CCNC: variants seen among roughly 807,000 people sequenced by gnomAD.
CCNC encodes cyclin C.
A neutral mutation model predicts 50.0 loss-of-function variants in CCNC; 19 were observed. That is an observed-to-expected ratio of 0.38 (90% CI 0.27 to 0.56). CCNC has a LOEUF of 0.56. CCNC is among the 20% of genes least tolerant of loss of function. The pLI is 0.72. For synonymous variants in CCNC, 93 were observed against 103.7 expected, an observed-to-expected ratio of 0.90 and a Z score of 0.63; for missense variants, 200 against 327.1, an observed-to-expected ratio of 0.61 and a Z score of 3.00.
chr6:99,550,582 T>G (rs936459612), intron 7 of CCNC: 9 of 366,686 alleles, frequency 2.5e-5, no homozygotes, highest in African/African-American at 1.5e-4. Flanking sequence ...AAGTGTCACA[T>G]CTGCAACACA....
intron 4 of CCNC, 82 bp from the exon 5 acceptor site, chr6:99,558,630 C>T: frequency 7.5e-7 from 1 of 1,327,224 alleles, no homozygotes; most frequent in African/African-American, 1.5e-5. Context: ...TTTCCTTGCT[C>T]CTGTTTACAA....
chr6:99,564,670 G>A (rs1273586074), intron 1 of CCNC, among the ~76,000 whole-genome samples: 1 of 151,764 alleles, frequency 6.6e-6, no homozygotes, highest in Non-Finnish European at 1.5e-5. Flanking sequence ...TCTAAAATTT[G>A]TATAGTATAA....
In CCNC at chr6:99,568,638, C is replaced by G. The variant is rs574264833; in HGVS notation, c.-111G>C. On this transcript the variant is annotated 5_prime_UTR_variant, in exon 1 of 12. Coordinates refer to ENST00000520429, the MANE Select transcript of CCNC (RefSeq NM_005190.4). ...GCTCCTCGATCAAATCAGCTCGGCT[C>G]GACTCCGCTCCGCGGCGGCGACGGC... is the stretch of plus-strand genomic sequence containing the variant. 1.4e-3 allele frequency: 2,204 copies of G among 1,540,854 alleles called. 2 individuals are homozygous for G. The highest frequency in any genetic ancestry group is 1.8e-3 in the Non-Finnish European group (2,035 of 1,145,088).
intron 2 of CCNC, 34 bp downstream of exon 2, chr6:99,562,808 T>A: frequency 8.2e-7 from 1 of 1,217,910 alleles, no homozygotes; most frequent in Admixed American, 2.0e-5. Flanking sequence ...GGTAACCAAC[T>A]ATACAATTTG....
intron 1 of CCNC, among the ~76,000 whole-genome samples, chr6:99,565,086 TTAAG>T (rs1388323095): frequency 6.6e-6 from 1 of 152,116 alleles, no homozygotes; most frequent in Non-Finnish European, 1.5e-5. Context: ...ACATAGAAAA[TTAAG>T]TAATTAATAG....
chr6:99,550,259 C>T lies in CCNC; in HGVS notation c.489G>A (p.Val163=), dbSNP rs757688468. ...YHPYRPLLQY[V]QDMGQEDMLL... Reference sequence around the variant, plus strand: ...ACATGTCTTCTTGGCCCATGTCCTGCACATACTGGAGCAAAGGTCTATAAG... The same window carrying T: ...ACATGTCTTCTTGGCCCATGTCCTGTACATACTGGAGCAAAGGTCTATAAG... The change falls in exon 8 of 12, where the codon GTG becomes GTA. Residue 163 remains valine (V), a synonymous_variant. Transcript: ENST00000520429. The T allele has an allele frequency of 3.2e-5, 51 of 1,613,044 alleles. No homozygotes were observed. Among genetic ancestry groups the T allele is most frequent in the Non-Finnish European group, 4.2e-5 (50 of 1,179,476 alleles).
At position 99,568,481 on chromosome 6, in the gene CCNC, CG is replaced by C. The variant is rs777964862; in HGVS notation, c.32+14del. The C allele has an allele frequency of 3.1e-6, 5 of 1,611,294 alleles. No individual in the cohort carries two copies. The highest frequency in any genetic ancestry group is 1.3e-5 in the African/African-American group (1 of 74,770). The stretch of plus-strand genomic sequence containing the variant: ...CAAAAACCGGCCCCAGGTGAGAAGA[CG>C]GAAGATCGCTTACTAGTGGGAGCTC... On this transcript the variant is annotated intron_variant, in intron 1 of 11. Coordinates refer to ENST00000520429, the MANE Select transcript of CCNC (RefSeq NM_005190.4).
Position 99,568,575 on chromosome 6 carries a change from C to A in CCNC, c.-48G>T. On this transcript the variant is annotated 5_prime_UTR_variant, in exon 1 of 12. Coordinates refer to ENST00000520429, the MANE Select transcript of CCNC (RefSeq NM_005190.4). ...AAAAGCACCAGCCGGCGGAGCGGCC[C>A]GCGGAGCGACCATAGACCCAGCCCG... 1 of 1,598,430 alleles carries A rather than the reference C, an allele frequency of 6.3e-7. No individual in the cohort carries two copies. Among genetic ancestry groups the A allele is most frequent in the East Asian group, 2.3e-5 (1 of 43,384 alleles).
intron 4 of CCNC, among the ~76,000 whole-genome samples, chr6:99,560,076 T>A (rs1311456287): frequency 6.6e-6 from 1 of 152,114 alleles, no homozygotes; most frequent in East Asian, 1.9e-4. Context: ...GTAAATCACA[T>A]CACAGAGTTC....
intron 1 of CCNC, 177 bp downstream of exon 1, chr6:99,568,319 G>A (rs1769243585): frequency 5.0e-6 from 3 of 603,320 alleles, no homozygotes; most frequent in Middle Eastern, 3.6e-4. Context: ...ACTGGGGCTG[G>A]GGGCGGGGAG....
chr6:99,559,394 T>C (rs980685664), intron 4 of CCNC, among the ~76,000 whole-genome samples: 3 of 151,112 alleles, frequency 2.0e-5, no homozygotes, highest in African/African-American at 4.8e-5. Flanking sequence ...CTTCACTTCA[T>C]TTTAAAATAA....
chr6:99,561,854 T>C, intron 2 of CCNC, 173 bp from the exon 3 acceptor site: 1 of 470,748 alleles, frequency 2.1e-6, no homozygotes, highest in Non-Finnish European at 3.8e-6. Flanking sequence ...TTTGCAAATG[T>C]GTTAAGAAAT....
At chr6:99,567,724 T>G (rs1172034448) in intron 1 of CCNC, among the ~76,000 whole-genome samples, 1 of 152,216 alleles carries the variant, frequency 6.6e-6, no homozygotes, top group Non-Finnish European at 1.5e-5. Flanking sequence ...ATGTTCAATT[T>G]ACCCCATAAC....
Position 99,546,457 on chromosome 6 carries a change from A to C in CCNC, c.616T>G (p.Cys206Gly). The C allele has an allele frequency of 1.2e-6, 2 of 1,612,578 alleles. No individual in the cohort carries two copies. Among genetic ancestry groups the C allele is most frequent in the Non-Finnish European group, 1.7e-6 (2 of 1,178,676 alleles). Reference sequence around the variant, plus strand: ...CTGGCATCTTTCTGCTGTACAACACAGGCTACATGTAGGCAAGCTGAAATG... The same window carrying C: ...CTGGCATCTTTCTGCTGTACAACACCGGCTACATGTAGGCAAGCTGAAATG... ...MIALACLHVA[C>G]VVQQKDARQW... The change falls in exon 10 of 12, where the codon TGT becomes GGT. Residue 206 changes from cysteine to glycine, a missense_variant. Coordinates refer to ENST00000520429, the MANE Select transcript of CCNC (RefSeq NM_005190.4).
chr6:99,568,198 C>G, intron 1 of CCNC: 1 of 470,508 alleles, frequency 2.1e-6, no homozygotes, highest in Non-Finnish European at 3.9e-6. Flanking sequence ...TCTATCCGAC[C>G]CCCCGCGGCC....
intron 11 of CCNC, 43 bp downstream of exon 11, chr6:99,545,069 A>C: frequency 1.1e-6 from 1 of 915,702 alleles, no homozygotes; most frequent in Non-Finnish European, 1.8e-6. Context: ...AGTAAGTATG[A>C]TATATGATTA....
chr6:99,565,200 TA>T (rs1769068973), intron 1 of CCNC, among the ~76,000 whole-genome samples: 1 of 152,068 alleles, frequency 6.6e-6, no homozygotes, highest in South Asian at 2.1e-4. Context: ...TGTCGAGTCC[TA>T]AAAAAGAATA....
At chr6:99,562,999 T>A (rs769137592) in intron 1 of CCNC, 51 bp from the exon 2 acceptor site, 1 of 1,119,312 alleles carries the variant, frequency 8.9e-7, no homozygotes, top group East Asian at 2.4e-5. Flanking sequence ...GAGGAAACAC[T>A]CTAAGATTGA....
At chr6:99,553,565 A>G (rs1802391972) in intron 5 of CCNC, among the ~76,000 whole-genome samples, 1 of 152,258 alleles carries the variant, frequency 6.6e-6, no homozygotes, top group East Asian at 1.9e-4. Context: ...TATTCAATTG[A>G]TAACTCCTGC....
Sources: allele counts gnomAD v4.1 joint callset (sites outside exome capture counted in the v4.1 genomes callset), GRCh38; gene constraint gnomAD v4.1.1; transcripts MANE v1.5; gene names NCBI Gene and HGNC (gene_info 2026-07-23, HGNC 2026-07-21).